PCDHA4: variants seen among roughly 807,000 people sequenced by gnomAD.
The protein encoded by PCDHA4 is protocadherin alpha-4.
A neutral mutation model predicts 61.4 loss-of-function variants in PCDHA4; 49 were observed. The ratio of observed to expected loss-of-function variants is 0.80; its 90% CI spans 0.63 to 1.01. The LOEUF is 1.01. Among genes scored for constraint, PCDHA4 ranks in the 50% least tolerant of loss-of-function variants. The pLI is 0.00. For synonymous variants in PCDHA4, 590 were observed against 550.3 expected, an observed-to-expected ratio of 1.07 and a Z score of -1.01; for missense variants, 1,254 against 1,235.8, an observed-to-expected ratio of 1.01 and a Z score of -0.22.
intron 1 of PCDHA4, among the ~76,000 whole-genome samples, chr5:140,956,920 T>C (rs2095320734): frequency 1.3e-5 from 2 of 152,120 alleles, no homozygotes; most frequent in Non-Finnish European, 2.9e-5. Flanking sequence ...ACTTTAATCT[T>C]GCTGGATATA....
chr5:140,833,980 C>G (rs2150212717), intron 1 of PCDHA4, among the ~76,000 whole-genome samples: 4 of 152,216 alleles, frequency 2.6e-5, no homozygotes, highest in African/African-American at 9.6e-5. Context: ...AAAAGTTTTT[C>G]TAAGGCATGA....
At position 140,927,789 on chromosome 5, in the gene PCDHA4, A is replaced by G. The variant is rs781883935; in HGVS notation, c.2386-51160A>G. On this transcript the variant is annotated intron_variant, in intron 1 of 3. Transcript: ENST00000530339. The stretch of plus-strand genomic sequence containing the variant: ...GGGAGGTGCAAGTAGCTGCTTCACT[A>G]GGTCCGCCTGAAACGCTCTTGGAGG... 4 of 1,614,164 alleles carry G rather than the reference A, an allele frequency of 2.5e-6. No individual in the cohort carries two copies. The African/African-American group carries it at 4.0e-5, about 16-fold the overall frequency.
intron 1 of PCDHA4, chr5:140,853,757 T>G: frequency 1.0e-6 from 1 of 988,514 alleles, no homozygotes; most frequent in East Asian, 1.1e-4. Context: ...AGGCTCCACC[T>G]CAGAAATTCT....
intron 1 of PCDHA4, chr5:140,862,937 A>G: frequency 1.8e-6 from 1 of 544,138 alleles, no homozygotes; most frequent in Non-Finnish European, 3.6e-6. Flanking sequence ...CGGCGCTGTG[A>G]GTGAGCTGGT....
chr5:140,870,190 C>T (rs1554163883), intron 1 of PCDHA4: 15 of 1,614,174 alleles, frequency 9.3e-6, no homozygotes, highest in Non-Finnish European at 1.1e-5. Flanking sequence ...AGAGGACGCT[C>T]AGCCCAGCAC....
chr5:140,989,727 A>G (rs1203211477), intron 3 of PCDHA4, among the ~76,000 whole-genome samples: 2 of 152,308 alleles, frequency 1.3e-5, no homozygotes, highest in East Asian at 3.9e-4. Flanking sequence ...TTTGCAGTTG[A>G]AAAGGCCATT....
chr5:140,914,115 G>A (rs1287523867), intron 1 of PCDHA4, among the ~76,000 whole-genome samples: 1 of 152,168 alleles, frequency 6.6e-6, no homozygotes, highest in Non-Finnish European at 1.5e-5. Flanking sequence ...GATTAAGTCT[G>A]ATGTTTCTTT....
At chr5:140,826,886 C>A (rs1769095923) in intron 1 of PCDHA4, among the ~76,000 whole-genome samples, 1 of 151,996 alleles carries the variant, frequency 6.6e-6, no homozygotes, top group African/African-American at 2.4e-5. Context: ...GAAAGCTGTA[C>A]TCATAAAGAT....
At chr5:140,875,662 T>C (rs782787124) in intron 1 of PCDHA4, 32 of 1,613,752 alleles carry the variant, frequency 2.0e-5, no homozygotes, top group Non-Finnish European at 2.6e-5. Context: ...GCCGCGCCTG[T>C]TCCGGGTGGC....
Position 140,810,871 on chromosome 5 carries a change from T to G in PCDHA4, c.2385+1299T>G, listed in dbSNP as rs144832294. On this transcript the variant is annotated intron_variant, in intron 1 of 3. Coordinates refer to ENST00000530339, the MANE Select transcript of PCDHA4 (RefSeq NM_018907.4). ...TTAAACTCAATTTATCAATTTTTGC[T>G]TCTGATCCTATTTCACAAAGATAAT... is the stretch of plus-strand genomic sequence containing the variant. 140 of 152,330 alleles carry G rather than the reference T, an allele frequency of 9.2e-4. 1 individual carries two copies. The highest frequency in any genetic ancestry group is 3.3e-3 in the African/African-American group (137 of 41,582). 9.4% of individuals were successfully genotyped at this position (152,330 alleles called of 1,614,324 possible).
At chr5:140,946,477 T>C (rs1223421073) in intron 1 of PCDHA4, among the ~76,000 whole-genome samples, 2 of 151,720 alleles carry the variant, frequency 1.3e-5, no homozygotes, top group Non-Finnish European at 2.9e-5. Flanking sequence ...ACTGGGTATA[T>C]ATCCAAAGGA....
rs1777055567 is a variant in PCDHA4, at chr5:140,841,163, T to C, written c.2385+31591T>C. 2 of 914,834 alleles carry C rather than the reference T, an allele frequency of 2.2e-6. 1 individual carries two copies. The highest frequency in any genetic ancestry group is 3.2e-6 in the Non-Finnish European group (2 of 616,240). 56.7% of individuals were successfully genotyped at this position (914,834 alleles called of 1,614,324 possible). ...CATGATGTCGCTGTCTACCAAGAAG[T>C]TCTGGTTGGTCAATGTTCAAAGTCT... On this transcript the variant is annotated intron_variant, in intron 1 of 3. Coordinates refer to ENST00000530339, the MANE Select transcript of PCDHA4 (RefSeq NM_018907.4).
intron 1 of PCDHA4, chr5:140,824,349 T>C (rs1288937834): frequency 3.4e-6 from 2 of 588,082 alleles, no homozygotes; most frequent in Admixed American, 3.5e-5. Flanking sequence ...TTTAAAATAA[T>C]ATTTTATATT....
chr5:140,869,190 C>G (rs536787060), intron 1 of PCDHA4: 1 of 1,613,998 alleles, frequency 6.2e-7, no homozygotes, highest in African/African-American at 1.3e-5. Context: ...TGGGGAGCGG[C>G]CAGCTCCACT....
intron 1 of PCDHA4, chr5:140,830,622 C>G: frequency 1.7e-6 from 1 of 582,670 alleles, no homozygotes; most frequent in Non-Finnish European, 2.6e-6. Flanking sequence ...TATTGTGTTT[C>G]TTATTTTAAT....
Position 140,861,518 on chromosome 5 carries a change from G to A in PCDHA4, c.2385+51946G>A, listed in dbSNP as rs560386977. The A allele has an allele frequency of 1.0e-3, 481 of 461,708 alleles. 1 individual carries two copies. Among genetic ancestry groups the A allele is most frequent in the African/African-American group, 8.4e-3 (422 of 50,046 alleles). The allele number at this position is 461,708 out of a possible 1,614,324, so 28.6% of individuals were successfully genotyped here. A position where few individuals can be genotyped will look rare whatever the true frequency, so the allele number is the denominator to read the frequency against. On this transcript the variant is annotated intron_variant, in intron 1 of 3. Transcript: ENST00000530339. The stretch of plus-strand genomic sequence containing the variant: ...TGATAGACCTCGAGGAGCTGTGTGG[G>A]AGGATCTCGGAGTGCAGCATCCACC...
At chr5:140,866,158 A>G (rs560063709) in intron 1 of PCDHA4, 1 of 152,270 alleles carries the variant, frequency 6.6e-6, no homozygotes, top group East Asian at 1.9e-4. Context: ...ATAAGTAAGA[A>G]TCGTTTAACA....
At chr5:140,948,543 T>C (rs1226242016) in intron 1 of PCDHA4, among the ~76,000 whole-genome samples, 2 of 151,702 alleles carry the variant, frequency 1.3e-5, no homozygotes, top group Non-Finnish European at 3.0e-5. Flanking sequence ...TTTCATGCTC[T>C]GTCAATTTTG....
chr5:140,821,171 C>A (rs1442179324), intron 1 of PCDHA4, among the ~76,000 whole-genome samples: 1 of 152,078 alleles, frequency 6.6e-6, no homozygotes, highest in Admixed American at 6.5e-5. Context: ...TACAAACATT[C>A]CATTGACTAA....
Sources: gnomAD v4.1 joint callset for allele counts (sites outside exome capture counted in the v4.1 genomes callset) on GRCh38, gnomAD v4.1.1 for gene constraint, MANE v1.5 for transcripts, NCBI Gene and HGNC (gene_info 2026-07-23, HGNC 2026-07-21) for gene names.